The following PNPLA1 variants were observed in gnomAD, a reference collection of about 807,000 sequenced individuals.
PNPLA1 encodes the protein patatin like domain 1, omega-hydroxyceramide transacylase, also known as omega-hydroxyceramide transacylase.
PNPLA1 carries 36 observed loss-of-function variants against 51.7 expected under a neutral mutation model. The ratio of observed to expected loss-of-function variants is 0.70; its 90% CI spans 0.53 to 0.92. PNPLA1 has a LOEUF of 0.92. PNPLA1 is among the 40% of genes least tolerant of loss of function. The pLI is 0.00. For missense variants in PNPLA1, 658 were observed against 682.5 expected (o/e 0.96, Z 0.40); for synonymous variants, 293 against 280.1 (o/e 1.05, Z -0.46).
intron 1 of PNPLA1, among the ~76,000 whole-genome samples, chr6:36,274,835 C>T (rs1770041638): frequency 6.6e-6 from 1 of 152,182 alleles, no homozygotes; most frequent in Non-Finnish European, 1.5e-5. Context: ...TAGACGTTTC[C>T]TCTTCTGTAC....
At chr6:36,272,462 A>G (rs941088632) in intron 1 of PNPLA1, among the ~76,000 whole-genome samples, 1 of 152,228 alleles carries the variant, frequency 6.6e-6, no homozygotes, top group African/African-American at 2.4e-5. Flanking sequence ...CTAACAGGCC[A>G]CAGACCCGGG....
chr6:36,276,518 C>A (rs895351716), intron 1 of PNPLA1, among the ~76,000 whole-genome samples: 1 of 152,180 alleles, frequency 6.6e-6, no homozygotes, highest in Non-Finnish European at 1.5e-5. Flanking sequence ...GAGGGGTGGT[C>A]TCCGTGATTG....
chr6:36,303,391 C>T (rs550670399), intron 6 of PNPLA1, among the ~76,000 whole-genome samples: 1 of 152,266 alleles, frequency 6.6e-6, no homozygotes, highest in South Asian at 2.1e-4. Flanking sequence ...CCGCGCCCAG[C>T]CAGAAATTTT....
At chr6:36,249,298 A>T (rs142253432) in intron 1 of PNPLA1, among the ~76,000 whole-genome samples, 2 of 152,306 alleles carry the variant, frequency 1.3e-5, no homozygotes, top group African/African-American at 4.8e-5. Context: ...TACACACTGG[A>T]GTTTCCATTG....
Position 36,313,923 on chromosome 6 carries a change from C to T in PNPLA1, c.*2037C>T, listed in dbSNP as rs565672205. Among the ~76,000 whole-genome samples the T allele has an allele frequency of 6.6e-6, 1 of 152,210 alleles. No individual in the cohort carries two copies. Among genetic ancestry groups the T allele is most frequent in the Non-Finnish European group, 1.5e-5 (1 of 68,034 alleles). On this transcript the variant is annotated 3_prime_UTR_variant, in exon 9 of 9. Coordinates refer to ENST00000636260, the MANE Select transcript of PNPLA1 (RefSeq NM_001374623.1). ...TGCTCTTAATGTCAATTATGTTAAACTATTAATACATCCTCTTGCATACTT... is the reference window on the plus strand; with the variant it reads ...TGCTCTTAATGTCAATTATGTTAAATTATTAATACATCCTCTTGCATACTT...
At chr6:36,289,304 A>C (rs2127342863) in intron 1 of PNPLA1, among the ~76,000 whole-genome samples, 1 of 152,224 alleles carries the variant, frequency 6.6e-6, no homozygotes, top group Non-Finnish European at 1.5e-5. Context: ...TAAGCTGCTC[A>C]CTAAGAATTC....
intron 1 of PNPLA1, among the ~76,000 whole-genome samples, chr6:36,278,782 G>A (rs1770188648): frequency 6.6e-6 from 1 of 152,240 alleles, no homozygotes; most frequent in Non-Finnish European, 1.5e-5. Flanking sequence ...GAATTACGGT[G>A]ATGAAATAGA....
At chr6:36,287,078 G>A (rs1471971341) in intron 1 of PNPLA1, among the ~76,000 whole-genome samples, 1 of 152,108 alleles carries the variant, frequency 6.6e-6, no homozygotes, top group Non-Finnish European at 1.5e-5. Flanking sequence ...GTTAACTCTC[G>A]CTGTCTATCC....
intron 5 of PNPLA1, among the ~76,000 whole-genome samples, chr6:36,300,445 C>T (rs1435866273): frequency 1.3e-5 from 2 of 152,136 alleles, no homozygotes; most frequent in South Asian, 2.1e-4. Context: ...CCGCCCGCCT[C>T]GGCCTCCCAA....
chr6:36,282,835 C>G (rs1770361541), intron 1 of PNPLA1, among the ~76,000 whole-genome samples: 1 of 152,172 alleles, frequency 6.6e-6, no homozygotes, highest in Admixed American at 6.5e-5. Flanking sequence ...CAGGTGCATC[C>G]CACCACGTCC....
intron 1 of PNPLA1, among the ~76,000 whole-genome samples, chr6:36,263,653 T>C (rs1413002075): frequency 6.6e-6 from 1 of 152,130 alleles, no homozygotes; most frequent in African/African-American, 2.4e-5. Flanking sequence ...TTAACCATGC[T>C]TTCTTATTTT....
At chr6:36,303,294 T>C (rs916735247) in intron 6 of PNPLA1, among the ~76,000 whole-genome samples, 8 of 152,252 alleles carry the variant, frequency 5.3e-5, no homozygotes, top group Admixed American at 2.0e-4. Context: ...CAGGTTTCAC[T>C]GTGTTAGCCA....
chr6:36,293,014 C>T (rs750117285), intron 2 of PNPLA1, 47 bp from the exon 3 acceptor site: 10 of 1,539,134 alleles, frequency 6.5e-6, no homozygotes, highest in Non-Finnish European at 8.0e-6. Context: ...GCTGTCCCCA[C>T]CCCACCCCCG....
chr6:36,265,337 G>A (rs1166595279), upstream of PNPLA1, among the ~76,000 whole-genome samples: 1 of 151,870 alleles, frequency 6.6e-6, no homozygotes, highest in African/African-American at 2.4e-5. Flanking sequence ...GCGAAACTCT[G>A]TCTCAAAGAG....
intron 1 of PNPLA1, among the ~76,000 whole-genome samples, chr6:36,279,078 C>T (rs1235381629): frequency 6.6e-6 from 1 of 152,168 alleles, no homozygotes; most frequent in Non-Finnish European, 1.5e-5. Flanking sequence ...TCCAGGCTGA[C>T]AGGTCTGCAG....
intron 1 of PNPLA1, among the ~76,000 whole-genome samples, chr6:36,273,728 CAAAAAAAAAAAAA>C (rs57186870): frequency 2.1e-5 from 1 of 48,208 alleles, no homozygotes; most frequent in Non-Finnish European, 3.4e-5. Flanking sequence ...GACCCCATCG[CAAAAAAAAAAAAA>C]AAAAAAAAAA....
intron 7 of PNPLA1, 113 bp downstream of exon 7, chr6:36,306,489 G>GGT (rs1771241446): frequency 1.1e-6 from 1 of 933,300 alleles, no homozygotes; most frequent in Non-Finnish European, 1.6e-6. Context: ...ATCCTTTTCT[G>GGT]GTGTGTGTGA....
chr6:36,273,728 C>CAAAAAAAAAAAAAAAAAAAAAAAAAA (rs57186870), intron 1 of PNPLA1, among the ~76,000 whole-genome samples: 16 of 48,220 alleles, frequency 3.3e-4, no homozygotes, highest in East Asian at 6.9e-4. Context: ...GACCCCATCG[C>CAAAAAAAAAAAAAAAAAAAAAAAAAA]AAAAAAAAAA....
intron 1 of PNPLA1, among the ~76,000 whole-genome samples, chr6:36,249,471 G>A (rs1769375393): frequency 6.6e-6 from 1 of 152,220 alleles, no homozygotes; most frequent in South Asian, 2.1e-4. Flanking sequence ...AAAGATGAGT[G>A]AACTGATGTG....
Sources: allele counts gnomAD v4.1 joint callset (sites outside exome capture counted in the v4.1 genomes callset), GRCh38; gene constraint gnomAD v4.1.1; transcripts MANE v1.5; gene names NCBI Gene and HGNC (gene_info 2026-07-23, HGNC 2026-07-21).